Variants in CATSPERQ observed in about 807,000 individuals in gnomAD.
The protein encoded by CATSPERQ is catsper channel auxiliary subunit theta, also known as cation channel sperm-associated auxiliary subunit theta.
chr8:144,354,857 C>A, the CATSPERQ span: 1 of 1,476,346 alleles, frequency 6.8e-7, no homozygotes, highest in Non-Finnish European at 9.0e-7. The surrounding 1 kb of genome is among the most constrained non-coding windows in gnomAD (Gnocchi z 4.6). Context: ...TGAGCAAATT[C>A]TCCAGGGCTG....
the CATSPERQ span, chr8:144,354,349 C>A: frequency 8.5e-6 from 13 of 1,531,208 alleles, no homozygotes; most frequent in South Asian, 1.2e-5. The surrounding 1 kb of genome is among the most constrained non-coding windows in gnomAD (Gnocchi z 4.6). Context: ...TGGCGCGGCG[C>A]GTGAGGACGC....
At chr8:144,354,047 T>C in the CATSPERQ span, 3 of 1,535,380 alleles carry the variant, frequency 2.0e-6, no homozygotes, top group Non-Finnish European at 2.6e-6. The surrounding 1 kb of genome is among the most constrained non-coding windows in gnomAD (Gnocchi z 4.6). Context: ...ACGCCGCGCG[T>C]GTGGTTCAGC....
At chr8:144,353,837 C>T in the CATSPERQ span, 6 of 1,535,432 alleles carry the variant, frequency 3.9e-6, no homozygotes, top group South Asian at 7.1e-5. Flanking sequence ...CCGCCGAGGA[C>T]CAGGTGGAAG....
chr8:144,353,956 T>A, the CATSPERQ span: 1 of 1,531,566 alleles, frequency 6.5e-7, no homozygotes, highest in Non-Finnish European at 8.7e-7. Flanking sequence ...CCCGTTACCA[T>A]CGGAGCTGAG....
At chr8:144,353,673 T>C in the CATSPERQ span, 205 of 1,469,484 alleles carry the variant, frequency 1.4e-4, no homozygotes, top group Non-Finnish European at 1.6e-4. Flanking sequence ...CCGAAGACCG[T>C]GTTGTATTTA....
the CATSPERQ span, chr8:144,354,578 A>AACCCCCCCCCCCC: frequency 4.5e-6 from 1 of 221,154 alleles, no homozygotes; most frequent in Non-Finnish European, 7.0e-6. This position sits in a 1 kb window ranked among gnomAD's most constrained non-coding sequence, Gnocchi z 4.6. Flanking sequence ...CGCCCTTCCC[A>AACCCCCCCCCCCC]GCCCCGCCCC....
At chr8:144,354,178 G>A in the CATSPERQ span, 2 of 1,540,506 alleles carry the variant, frequency 1.3e-6, no homozygotes, top group Non-Finnish European at 8.7e-7. The surrounding 1 kb of genome is among the most constrained non-coding windows in gnomAD (Gnocchi z 4.6). Flanking sequence ...GAGTCTGAGC[G>A]GCGCGGGGCC....
chr8:144,353,298 G>A, the CATSPERQ span: 1 of 1,483,304 alleles, frequency 6.7e-7, no homozygotes, highest in Non-Finnish European at 8.9e-7. Context: ...CCAGAGTGGG[G>A]CTGGGAGGTT....
the CATSPERQ span, chr8:144,353,298 G>C: frequency 6.7e-7 from 1 of 1,483,304 alleles, no homozygotes; most frequent in Non-Finnish European, 8.9e-7. Context: ...CCAGAGTGGG[G>C]CTGGGAGGTT....
At chr8:144,354,917 GCCAGGGAGCGGC>G in the CATSPERQ span, 1 of 1,305,994 alleles carries the variant, frequency 7.7e-7, no homozygotes. The surrounding 1 kb of genome is among the most constrained non-coding windows in gnomAD (Gnocchi z 4.6). Context: ...GGGCAGCGAG[GCCAGGGAGCGGC>G]CCAGGGTGGA....
chr8:144,353,685 C>T, the CATSPERQ span: 10 of 1,496,270 alleles, frequency 6.7e-6, no homozygotes, highest in African/African-American at 1.4e-5. Context: ...TTGTATTTAC[C>T]CTCTGCGTGC....
the CATSPERQ span, chr8:144,353,505 T>TAACGGC: frequency 6.5e-7 from 1 of 1,535,370 alleles, no homozygotes; most frequent in South Asian, 1.2e-5. Flanking sequence ...CCGGGCGATG[T>TAACGGC]AACGGCCCAA....
At chr8:144,354,819 A>G in the CATSPERQ span, 2 of 1,518,082 alleles carry the variant, frequency 1.3e-6, no homozygotes, top group Non-Finnish European at 1.8e-6. This position sits in a 1 kb window ranked among gnomAD's most constrained non-coding sequence, Gnocchi z 4.6. Flanking sequence ...GCCGCCGCCC[A>G]CTGCCCACAG....
the CATSPERQ span, chr8:144,354,848 G>A: frequency 9.4e-6 from 14 of 1,485,086 alleles, no homozygotes; most frequent in Non-Finnish European, 1.3e-5. This position sits in a 1 kb window ranked among gnomAD's most constrained non-coding sequence, Gnocchi z 4.6. Context: ...CTACCTCGGT[G>A]AGCAAATTCT....
the CATSPERQ span, chr8:144,353,760 T>G: frequency 6.5e-7 from 1 of 1,534,742 alleles, no homozygotes; most frequent in African/African-American, 1.4e-5. Context: ...GGAGGGCGCG[T>G]GTCTGGGCGG....
chr8:144,354,423 G>C, the CATSPERQ span: 2 of 1,377,748 alleles, frequency 1.5e-6, no homozygotes, highest in Non-Finnish European at 1.9e-6. The surrounding 1 kb of genome is among the most constrained non-coding windows in gnomAD (Gnocchi z 4.6). Context: ...CTGGGTCCGC[G>C]CAGGGCTCGC....
the CATSPERQ span, chr8:144,353,761 G>A: frequency 6.5e-7 from 1 of 1,535,298 alleles, no homozygotes; most frequent in Non-Finnish European, 8.7e-7. Context: ...GAGGGCGCGT[G>A]TCTGGGCGGG....
chr8:144,354,661 A>T, the CATSPERQ span: 6 of 1,533,396 alleles, frequency 3.9e-6, no homozygotes, highest in Admixed American at 1.2e-4. The surrounding 1 kb of genome is among the most constrained non-coding windows in gnomAD (Gnocchi z 4.6). Context: ...ATTGTTCTTG[A>T]GGCGTCTGGC....
chr8:144,353,388 C>A, the CATSPERQ span: 1 of 1,535,512 alleles, frequency 6.5e-7, no homozygotes, highest in Non-Finnish European at 8.7e-7. Flanking sequence ...GGGCTTGTGA[C>A]CCATGGGGCT....
Sources: gnomAD v4.1 joint callset for allele counts on GRCh38, gnomAD v4.1.1 for gene constraint, Gnocchi (gnomAD v3.1) non-coding constraint, MANE v1.5 for transcripts, NCBI Gene and HGNC (gene_info 2026-07-23, HGNC 2026-07-21) for gene names.